Variants in ERMP1 observed in about 807,000 individuals in gnomAD.
ERMP1 encodes the protein Felix-ina.
Under a neutral mutation model 92.0 loss-of-function variants are expected in ERMP1, and 86 were observed. The ratio of observed to expected loss-of-function variants is 0.93; its 90% confidence interval spans 0.79 to 1.12. The LOEUF (loss-of-function observed/expected upper bound fraction) is 1.12, where lower values mean the gene tolerates loss of function less well. Ranked by LOEUF, ERMP1 falls within the 50% of genes most tolerant of loss-of-function variation. The pLI is 0.00. For missense variants in ERMP1, 1,342 were observed against 1,116.3 expected (o/e 1.20, Z -2.88); for synonymous variants, 530 against 412.8 (o/e 1.28, Z -3.44).
At position 5,813,024 on chromosome 9, in the gene ERMP1, G is replaced by C; in HGVS notation, c.886C>G (p.Pro296Ala). Residue 296 changes from proline (P) to alanine (A), a missense_variant, in exon 5 of 15, where the codon CCT becomes GCT. Coordinates refer to ENST00000339450, the MANE Select transcript of ERMP1 (RefSeq NM_024896.3). ...GAAACATAAGCTTGAACCAACCAAG[G>C]ATTTTCAGGACCTAAAATGAAAGAT... ...ELVFQTGPEN[P>A]WLVQAYVSAA... 2 of 1,613,912 alleles carry C rather than the reference G, an allele frequency of 1.2e-6. No homozygotes were observed. The highest frequency in any genetic ancestry group is 1.7e-5 in the Admixed American group (1 of 60,020).
At chr9:5,860,819 T>G (rs886603681) in intron 5 of ERMP1, among the ~76,000 whole-genome samples, 1 of 152,052 alleles carries the variant, frequency 6.6e-6, no homozygotes, top group South Asian at 2.1e-4. Context: ...TGGTCTCAAG[T>G]GATCTTCCTG....
At chr9:5,865,439 C>CAACAT (rs1830625649) in intron 5 of ERMP1, among the ~76,000 whole-genome samples, 1 of 150,784 alleles carries the variant, frequency 6.6e-6, no homozygotes. Context: ...GCCCGGGAGG[C>CAACAT]GGAGCTTGCA....
At chr9:5,812,776 C>G (rs1205744447) in intron 5 of ERMP1, 113 bp downstream of exon 5, 3 of 1,186,738 alleles carry the variant, frequency 2.5e-6, no homozygotes, top group Non-Finnish European at 3.8e-6. Context: ...GTATATTTCT[C>G]ACATAAAGAA....
chr9:5,861,168 GGGGTGTGTGTGTGTGTGT>G (rs1385457230), intron 5 of ERMP1, among the ~76,000 whole-genome samples: 9 of 117,556 alleles, frequency 7.7e-5, no homozygotes, highest in African/African-American at 1.1e-4. Context: ...AATGGCTTAG[GGGGTGTGTGTGTGTGTGT>G]GTGTGTGTGT....
At chr9:5,825,507 A>C (rs1489979268) in intron 2 of ERMP1, among the ~76,000 whole-genome samples, 2 of 152,210 alleles carry the variant, frequency 1.3e-5, no homozygotes, top group Middle Eastern at 6.3e-3. Flanking sequence ...GAGGGGACCT[A>C]AAGTCATACT....
chr9:5,787,259 T>C lies in ERMP1; in HGVS notation c.2600A>G (p.His867Arg). ...EGMVTVAIAA[H>R]YLSGEDKRSP... is the part of the protein sequence containing the mutation. The stretch of plus-strand genomic sequence containing the variant: ...TCTCTTGTCTTCCCCAGACAGATAG[T>C]GGGCAGCAATGGCCACGGTGACCAT... Residue 867 changes from histidine to arginine, a missense_variant, in exon 15 of 15, where the codon CAC (histidine) becomes CGC (arginine). By Grantham distance (29) the His-to-Arg change is conservative. Coordinates refer to ENST00000339450, the MANE Select transcript of ERMP1 (RefSeq NM_024896.3). 1 of 1,614,032 alleles carries C rather than the reference T, an allele frequency of 6.2e-7. No individual in the cohort carries two copies. Among genetic ancestry groups the C allele is most frequent in the Non-Finnish European group, 8.5e-7 (1 of 1,179,976 alleles).
At chr9:5,798,070 C>G in intron 12 of ERMP1, 138 bp from the exon 13 acceptor site, 5 of 658,828 alleles carry the variant, frequency 7.6e-6, no homozygotes, top group Non-Finnish European at 1.3e-5. Flanking sequence ...AATGCCAACT[C>G]CAACAAATTT....
At chr9:5,794,941 C>T (rs1186396718) in intron 13 of ERMP1, among the ~76,000 whole-genome samples, 3 of 152,114 alleles carry the variant, frequency 2.0e-5, no homozygotes. Context: ...TAGACAACAA[C>T]AATACAAGAA....
chr9:5,814,281 C>G (rs566448265), intron 4 of ERMP1, among the ~76,000 whole-genome samples: 2 of 152,094 alleles, frequency 1.3e-5, no homozygotes, highest in South Asian at 4.2e-4. Context: ...GCAACACGAG[C>G]AAGAAATAAG....
intron 1 of ERMP1, among the ~76,000 whole-genome samples, chr9:5,832,001 C>A (rs547176645): frequency 6.6e-6 from 1 of 152,098 alleles, no homozygotes; most frequent in East Asian, 1.9e-4. Flanking sequence ...AAACTTGACG[C>A]CAGCTTAACA....
intron 6 of ERMP1, among the ~76,000 whole-genome samples, chr9:5,851,291 C>T (rs1830304673): frequency 6.6e-6 from 1 of 152,298 alleles, no homozygotes; most frequent in African/African-American, 2.4e-5. Context: ...CCTTATTTTC[C>T]TGTCATAGCT....
Position 5,832,721 on chromosome 9 carries a change from G to A in ERMP1, c.307C>T (p.His103Tyr), listed in dbSNP as rs569339868. ...QQLVLRGAAG[H>Y]RGEFDALQAR... ...TGGAGCGCGTCGAACTCCCCGCGGT[G>A]TCCAGCGGCCCCGCGTAGCACGAGC... Residue 103 changes from histidine (H) to tyrosine (Y), a missense_variant, in exon 1 of 15, where the codon CAC becomes TAC. Physicochemically the swap from His to Tyr is moderately conservative, Grantham distance 83. Transcript: ENST00000339450. 1.4e-4 allele frequency: 210 copies of A among 1,492,376 alleles called. No individual in the cohort carries two copies. In the African/African-American group the frequency reaches 2.8e-3, roughly 20 times the overall value. The allele number at this position is 1,492,376 out of a possible 1,614,324, so 92.4% of individuals were successfully genotyped here.
At chr9:5,824,301 C>T (rs1269834384) in intron 3 of ERMP1, among the ~76,000 whole-genome samples, 3 of 152,278 alleles carry the variant, frequency 2.0e-5, no homozygotes, top group South Asian at 2.1e-4. Flanking sequence ...GGGCCAGGCA[C>T]GGTGGCTCAC....
At chr9:5,859,905 TG>T (rs1830438406) in intron 5 of ERMP1, among the ~76,000 whole-genome samples, 1 of 152,194 alleles carries the variant, frequency 6.6e-6, no homozygotes, top group Admixed American at 6.5e-5. Flanking sequence ...AGATATACTT[TG>T]AAAAAACCAC....
Position 5,787,461 on chromosome 9 carries a change from G to C in ERMP1, c.2519C>G (p.Ala840Gly). Residue 840 changes from alanine (A) to glycine (G), a missense_variant, in exon 14 of 15, where the codon GCC (alanine) becomes GGC (glycine). By Grantham distance (60) the Ala-to-Gly change is moderately conservative. Coordinates refer to ENST00000339450, the MANE Select transcript of ERMP1 (RefSeq NM_024896.3). The part of the protein sequence containing the change: ...YFVFYSHGLQ[A>G]SAWQFWIEVQ... ...TTCTATCCAGAACTGCCATGCAGAG[G>C]CCTGGAGTCCATGGGAGTAAAAGAC... 6.2e-7 allele frequency: 1 copy of C among 1,614,026 alleles called. No individual in the cohort carries two copies.
In ERMP1 at chr9:5,833,078, G is replaced by GGCCGCCGCCGACGCC. The variant is rs1412184934; in HGVS notation, c.-66_-52dup. 7.5e-7 allele frequency: 1 copy of GGCCGCCGCCGACGCC among 1,337,022 alleles called. No individual in the cohort carries two copies. The highest frequency in any genetic ancestry group is 3.0e-5 in the East Asian group (1 of 33,786). 82.8% of individuals were successfully genotyped at this position (1,337,022 alleles called of 1,614,324 possible). On this transcript the variant is annotated 5_prime_UTR_variant, in exon 1 of 15. Transcript: ENST00000339450. The stretch of plus-strand genomic sequence containing the variant: ...AACCGCCCCAACCCGCGACAGCCCC[G>GGCCGCCGCCGACGCC]GCCGCCGCCGACGCCGCCGTCGCTG...
chr9:5,832,294 C>T (rs561519842), intron 1 of ERMP1, among the ~76,000 whole-genome samples: 5 of 152,204 alleles, frequency 3.3e-5, no homozygotes, highest in South Asian at 2.1e-4. Flanking sequence ...TCCCCGCCCC[C>T]AAAGCGAATT....
intron 13 of ERMP1, among the ~76,000 whole-genome samples, chr9:5,795,376 T>C (rs1315738592): frequency 6.6e-6 from 1 of 152,132 alleles, no homozygotes; most frequent in Non-Finnish European, 1.5e-5. Context: ...AAAATCAAAC[T>C]AGAAGTCCCA....
rs1829641779 is a variant in ERMP1, at chr9:5,824,012, A to T, written c.769-11T>A. Reference sequence around the variant, plus strand: ...GAAACCATGACTGGCCTTAAAGAGAAGGAAAGAAAACAAATATTTGTTAAA... The same window carrying T: ...GAAACCATGACTGGCCTTAAAGAGATGGAAAGAAAACAAATATTTGTTAAA... On this transcript the variant is annotated splice_polypyrimidine_tract_variant and intron_variant, in intron 3 of 14. Transcript: ENST00000339450. The T allele has an allele frequency of 3.8e-6, 6 of 1,591,766 alleles. No individual in the cohort carries two copies. The highest frequency in any genetic ancestry group is 5.2e-6 in the Non-Finnish European group (6 of 1,164,712).
Sources: allele counts gnomAD v4.1 joint callset (sites outside exome capture counted in the v4.1 genomes callset), GRCh38; gene constraint gnomAD v4.1.1; transcripts MANE v1.5; gene names NCBI Gene and HGNC (gene_info 2026-07-23, HGNC 2026-07-21).